ACACA: variants seen among roughly 807,000 people sequenced by gnomAD.
The protein encoded by ACACA is acetyl-CoA carboxylase 1.
In ACACA, 103 loss-of-function variants were observed where a neutral mutation model predicts 296.1. The observed-to-expected ratio is 0.35, with a 90% CI of 0.30 to 0.41. ACACA has a LOEUF of 0.41. Among genes scored for constraint, ACACA ranks in the 10% least tolerant of loss-of-function variants. ACACA has a pLI of 1.00. For synonymous variants in ACACA, 953 were observed against 1,038.6 expected, an observed-to-expected ratio of 0.92 and a Z score of 1.58; for missense variants, 1,554 against 2,989.7, an observed-to-expected ratio of 0.52 and a Z score of 11.20.
chr17:37,268,737 C>CTATATATATATA (rs1302264722), intron 10 of ACACA, among the ~76,000 whole-genome samples: 18 of 70,926 alleles, frequency 2.5e-4, no homozygotes, highest in Middle Eastern at 5.9e-3. Context: ...ATCTATCTAT[C>CTATATATATATA]TATCTATATA....
intron 3 of ACACA, among the ~76,000 whole-genome samples, chr17:37,329,408 G>C (rs186459296): frequency 6.6e-6 from 1 of 152,274 alleles, no homozygotes; most frequent in African/African-American, 2.4e-5. Context: ...GAGAGACTGA[G>C]GCAGGCGGAT....
At chr17:37,278,575 AT>A (rs1354147368) in intron 5 of ACACA, among the ~76,000 whole-genome samples, 1 of 152,182 alleles carries the variant, frequency 6.6e-6, no homozygotes, top group Non-Finnish European at 1.5e-5. Context: ...TCTCATATAT[AT>A]TTGTTGTACA....
intron 1 of ACACA, chr17:37,359,264 G>T: frequency 1.7e-6 from 1 of 581,802 alleles, no homozygotes; most frequent in Non-Finnish European, 2.2e-6. Context: ...TCCGGGCTGC[G>T]GCGCTGCCAG....
intron 1 of ACACA, among the ~76,000 whole-genome samples, chr17:37,346,653 G>T (rs1399208060): frequency 2.2e-5 from 3 of 134,702 alleles, no homozygotes; most frequent in Non-Finnish European, 3.0e-5. Flanking sequence ...AGTGAGCCGA[G>T]ATCACACCAC....
At chr17:37,402,697 G>C (rs1313812175) in intron 1 of ACACA, among the ~76,000 whole-genome samples, 1 of 151,342 alleles carries the variant, frequency 6.6e-6, no homozygotes, top group Non-Finnish European at 1.5e-5. Flanking sequence ...TTTTGAGACA[G>C]AGTCTCGCTC....
intron 3 of ACACA, among the ~76,000 whole-genome samples, chr17:37,287,426 C>T (rs552170825): frequency 6.6e-5 from 10 of 152,084 alleles, no homozygotes; most frequent in Non-Finnish European, 1.3e-4. Flanking sequence ...CCACCACCTA[C>T]GGGAGTATAA....
At chr17:37,164,233 A>G (rs2076577720) in intron 41 of ACACA, among the ~76,000 whole-genome samples, 1 of 151,952 alleles carries the variant, frequency 6.6e-6, no homozygotes, top group Non-Finnish European at 1.5e-5. Flanking sequence ...GGCCATCAAG[A>G]AGGGCCATTA....
At chr17:37,168,380 T>C (rs1184268728) in intron 41 of ACACA, among the ~76,000 whole-genome samples, 2 of 152,164 alleles carry the variant, frequency 1.3e-5, no homozygotes, top group African/African-American at 2.4e-5. Context: ...TTTGTGTTTA[T>C]ATTGCATTGA....
chr17:37,376,090 A>G, intron 1 of ACACA: 1 of 1,611,672 alleles, frequency 6.2e-7, no homozygotes, highest in Non-Finnish European at 8.5e-7. Flanking sequence ...TGCTCAAGCT[A>G]ACATGGATAC....
At chr17:37,283,517 T>C in intron 4 of ACACA, 112 bp from the exon 5 acceptor site, 3 of 1,336,416 alleles carry the variant, frequency 2.2e-6, no homozygotes. Context: ...AAAGTCATAC[T>C]TTCAACCAAG....
At chr17:37,123,267 A>G (rs188466315) in intron 48 of ACACA, among the ~76,000 whole-genome samples, 1 of 152,322 alleles carries the variant, frequency 6.6e-6, no homozygotes. Flanking sequence ...GAAAAGACAA[A>G]TGGGACAAGG....
At chr17:37,230,211 C>A (rs2079791310) in intron 25 of ACACA, among the ~76,000 whole-genome samples, 1 of 151,680 alleles carries the variant, frequency 6.6e-6, no homozygotes, top group Non-Finnish European at 1.5e-5. Flanking sequence ...ATGGAGAAAC[C>A]CCGTCTCTAC....
At chr17:37,104,315 A>G (rs1170006697) in intron 52 of ACACA, among the ~76,000 whole-genome samples, 1 of 152,242 alleles carries the variant, frequency 6.6e-6, no homozygotes, top group African/African-American at 2.4e-5. Context: ...AGAGTTAAAC[A>G]GAGACGAAAT....
Position 37,149,984 on chromosome 17 carries a change from G to T in ACACA, c.5569-10C>A, listed in dbSNP as rs781599443. On this transcript the variant is annotated splice_polypyrimidine_tract_variant and intron_variant, in intron 44 of 55. Transcript: ENST00000616317. ...TGGCCCGGCACGTCACCTTAGAAAA[G>T]AATAAATTCTACATGTCACATATTT... The T allele has an allele frequency of 1.9e-6, 3 of 1,612,254 alleles. No individual in the cohort carries two copies. The highest frequency in any genetic ancestry group is 2.5e-6 in the Non-Finnish European group (3 of 1,178,326).
intron 2 of ACACA, among the ~76,000 whole-genome samples, chr17:37,335,208 G>A (rs565311974): frequency 3.3e-5 from 5 of 152,072 alleles, no homozygotes; most frequent in East Asian, 1.9e-4. Flanking sequence ...ATGAGGTCTC[G>A]GCCCAAAACC....
chr17:37,337,069 A>G (rs1225171420), intron 2 of ACACA, among the ~76,000 whole-genome samples: 4 of 152,176 alleles, frequency 2.6e-5, no homozygotes, highest in Non-Finnish European at 4.4e-5. Flanking sequence ...TCCCCAGACC[A>G]ACTAACCATA....
At chr17:37,200,047 G>A in intron 35 of ACACA, 92 bp downstream of exon 35, 1 of 923,548 alleles carries the variant, frequency 1.1e-6, no homozygotes, top group South Asian at 1.4e-5. Context: ...TCAAATATCA[G>A]TCCAGCCCTT....
Position 37,205,746 on chromosome 17 carries a change from C to A in ACACA, c.4056+19G>T. On this transcript the variant is annotated intron_variant, in intron 33 of 55. Coordinates refer to ENST00000616317, the MANE Select transcript of ACACA (RefSeq NM_198834.3). ...GTAGAAAGGGGACATCACGAGCTTC[C>A]ACCCAATCAAGAACTTACATTTTGC... is the stretch of plus-strand genomic sequence containing the variant. The A allele has an allele frequency of 6.3e-7, 1 of 1,592,758 alleles. No homozygotes were observed. The highest frequency in any genetic ancestry group is 8.6e-7 in the Non-Finnish European group (1 of 1,161,162).
chr17:37,111,227 C>T (rs958452650), intron 52 of ACACA, among the ~76,000 whole-genome samples: 1 of 152,000 alleles, frequency 6.6e-6, no homozygotes, highest in Non-Finnish European at 1.5e-5. Flanking sequence ...TCTGGTGAGG[C>T]CTGCCCCCAG....
Sources: gnomAD v4.1 joint callset for allele counts (sites outside exome capture counted in the v4.1 genomes callset) on GRCh38, gnomAD v4.1.1 for gene constraint, MANE v1.5 for transcripts, NCBI Gene and HGNC (gene_info 2026-07-23, HGNC 2026-07-21) for gene names.